Variants in FMN1 observed in about 807,000 individuals in gnomAD.
FMN1 encodes the protein formin 1, also known as formin-1.
Under a neutral mutation model 132.4 loss-of-function variants are expected in FMN1, and 110 were observed. The ratio of observed to expected loss-of-function variants is 0.83; its 90% CI spans 0.71 to 0.97. The LOEUF (loss-of-function observed/expected upper bound fraction) is 0.97, where lower values mean the gene tolerates loss of function less well. FMN1 is among the 50% of genes least tolerant of loss of function. The pLI is 0.00. For synonymous variants in FMN1, 722 were observed against 651.7 expected, an observed-to-expected ratio of 1.11 and a Z score of -1.64; for missense variants, 1,792 against 1,705.3, an observed-to-expected ratio of 1.05 and a Z score of -0.90.
rs531811094 is a variant in FMN1, at chr15:33,013,489, T to A, written c.2162-5414A>T. Reference sequence around the variant, plus strand: ...GGTTTCCAGGAGAAGATGAACCAAGTTGGGTTGTGATTGAGCAAGGAGATG... The same window carrying A: ...GGTTTCCAGGAGAAGATGAACCAAGATGGGTTGTGATTGAGCAAGGAGATG... On this transcript the variant is annotated intron_variant, in intron 6 of 20. Transcript: ENST00000616417. 1.0e-4 allele frequency among the ~76,000 whole-genome samples: 5 copies of A among 49,066 alleles called. No homozygotes were observed. The East Asian group carries it at 9.2e-3, about 90-fold the overall frequency. The allele number at this position is 49,066 out of a possible 152,430, so 32.2% of individuals were successfully genotyped here.
At chr15:33,026,410 T>TCACACACACACACACACACACACA (rs71113496) in intron 6 of FMN1, among the ~76,000 whole-genome samples, 1,742 of 140,132 alleles carry the variant, frequency 0.012, 24 homozygotes, top group Admixed American at 0.023. Flanking sequence ...GTCCAAATTT[T>TCACACACACACACACACACACACA]CACACACACA....
intron 5 of FMN1, among the ~76,000 whole-genome samples, chr15:33,087,403 G>A (rs2038737497): frequency 6.6e-6 from 1 of 152,100 alleles, no homozygotes; most frequent in Non-Finnish European, 1.5e-5. Flanking sequence ...AAAATTAGCT[G>A]GGTGTGGTAG....
chr15:33,059,959 A>G (rs1730616519), intron 6 of FMN1, among the ~76,000 whole-genome samples: 1 of 152,240 alleles, frequency 6.6e-6, no homozygotes, highest in African/African-American at 2.4e-5. Flanking sequence ...TGGGAGAGTC[A>G]GTCTCCTCTA....
At chr15:33,037,602 G>A (rs895166043) in intron 6 of FMN1, among the ~76,000 whole-genome samples, 1 of 152,144 alleles carries the variant, frequency 6.6e-6, no homozygotes, top group South Asian at 2.1e-4. Context: ...CCATGACCTG[G>A]GGAAAGATAA....
At position 33,053,540 on chromosome 15, in the gene FMN1, C is replaced by T. The variant is rs933220783; in HGVS notation, c.2161+11417G>A. Among the ~76,000 whole-genome samples the T allele has an allele frequency of 1.7e-4, 26 of 152,316 alleles. 1 individual carries two copies. The highest frequency in any genetic ancestry group is 2.1e-4 in the South Asian group (1 of 4,830). The stretch of plus-strand genomic sequence containing the variant: ...AATCCTGCTTCAACAAGACTGCCCT[C>T]ATTTTGGAGGCCAATAGCAAGTACT... On this transcript the variant is annotated intron_variant, in intron 6 of 20. Coordinates refer to ENST00000616417, the MANE Select transcript of FMN1 (RefSeq NM_001277313.2).
chr15:32,800,547 A>T (rs751462533), intron 18 of FMN1, among the ~76,000 whole-genome samples: 1 of 152,248 alleles, frequency 6.6e-6, no homozygotes, highest in African/African-American at 2.4e-5. Flanking sequence ...ATGGGAATAC[A>T]TAAGTAGAGA....
chr15:32,937,966 T>A (rs2061316937), intron 9 of FMN1, among the ~76,000 whole-genome samples: 1 of 152,348 alleles, frequency 6.6e-6, no homozygotes, highest in Non-Finnish European at 1.5e-5. Flanking sequence ...GACTTTGATA[T>A]ACACTTAGAT....
At chr15:32,947,386 T>C (rs1329327128) in intron 9 of FMN1, among the ~76,000 whole-genome samples, 1 of 152,118 alleles carries the variant, frequency 6.6e-6, no homozygotes, top group East Asian at 1.9e-4. Flanking sequence ...TATTTAGTTT[T>C]TCCTGTGACA....
intron 6 of FMN1, among the ~76,000 whole-genome samples, chr15:33,025,660 A>G (rs1596497940): frequency 6.6e-6 from 1 of 152,202 alleles, no homozygotes; most frequent in South Asian, 2.1e-4. Flanking sequence ...TAGGAACTAT[A>G]TATTATCTGA....
intron 7 of FMN1, among the ~76,000 whole-genome samples, chr15:32,985,305 T>G (rs2032995918): frequency 6.6e-6 from 1 of 152,138 alleles, no homozygotes; most frequent in African/African-American, 2.4e-5. Context: ...TACAAATTCC[T>G]GGTCCTCTTC....
chr15:32,814,017 T>C lies in FMN1; in HGVS notation c.3929-9685A>G, dbSNP rs538387904. Among the ~76,000 whole-genome samples the C allele has an allele frequency of 8.2e-4, 125 of 152,318 alleles. No individual in the cohort carries two copies. In the South Asian group the frequency reaches 0.024, roughly 29 times the overall value. On this transcript the variant is annotated intron_variant, in intron 17 of 20. Transcript: ENST00000616417. ...ATACATCAGAGAGAAAGTTCCAAGA[T>C]GGAATTTCAGCTTTCACGCTAAATT...
rs146450802 is a variant in FMN1, at chr15:32,992,589, A to G, written c.2223+15425T>C. On this transcript the variant is annotated intron_variant, in intron 7 of 20. Transcript: ENST00000616417. ...ACTGGTATCTGTGGGAGAAATAAAG[A>G]AAATGTTCGATAAGACATATGTTTA... Among the ~76,000 whole-genome samples, 8 of 152,348 alleles carry G rather than the reference A, an allele frequency of 5.3e-5. No homozygotes were observed. The East Asian group carries it at 1.3e-3, about 26-fold the overall frequency.
At chr15:32,979,590 A>C (rs1261845466) in intron 7 of FMN1, among the ~76,000 whole-genome samples, 3 of 150,910 alleles carry the variant, frequency 2.0e-5, no homozygotes, top group Non-Finnish European at 4.4e-5. Context: ...GAAACCATTC[A>C]TACTTTCAGA....
At chr15:33,135,422 A>C (rs1963721366) in intron 4 of FMN1, among the ~76,000 whole-genome samples, 1 of 152,244 alleles carries the variant, frequency 6.6e-6, no homozygotes, top group Non-Finnish European at 1.5e-5. Flanking sequence ...AAGATAAGCC[A>C]CTGCACAGCA....
chr15:33,183,214 C>T (rs1448502228), intron 2 of FMN1, among the ~76,000 whole-genome samples: 1 of 152,202 alleles, frequency 6.6e-6, no homozygotes, highest in African/African-American at 2.4e-5. Flanking sequence ...CTTACTGAGA[C>T]TCAGCTTCCT....
chr15:33,005,279 T>C (rs1224092912), intron 7 of FMN1, among the ~76,000 whole-genome samples: 1 of 151,978 alleles, frequency 6.6e-6, no homozygotes, highest in African/African-American at 2.4e-5. Context: ...GCCATGGCTT[T>C]AGCAATTAGG....
At chr15:33,164,144 T>C (rs558025493) in intron 3 of FMN1, among the ~76,000 whole-genome samples, 1 of 152,168 alleles carries the variant, frequency 6.6e-6, no homozygotes, top group Non-Finnish European at 1.5e-5. Flanking sequence ...AAGATTATTA[T>C]GAGATAGCAC....
intron 16 of FMN1, among the ~76,000 whole-genome samples, chr15:32,860,080 G>T (rs1213715127): frequency 1.4e-5 from 2 of 146,038 alleles, no homozygotes; most frequent in Non-Finnish European, 3.1e-5. Context: ...AAAGGCAAAG[G>T]CAAAGGCAAG....
chr15:33,003,109 A>C (rs182549223), intron 7 of FMN1, among the ~76,000 whole-genome samples: 1 of 152,346 alleles, frequency 6.6e-6, no homozygotes, highest in Admixed American at 6.5e-5. Context: ...GAGTGGACAA[A>C]AACTGGAAGC....
Sources: allele counts gnomAD v4.1 joint callset (sites outside exome capture counted in the v4.1 genomes callset), GRCh38; gene constraint gnomAD v4.1.1; transcripts MANE v1.5; gene names NCBI Gene and HGNC (gene_info 2026-07-23, HGNC 2026-07-21).